The following FER1L6 variants were observed in gnomAD, a reference collection of about 807,000 sequenced individuals.
The protein encoded by FER1L6 is fer-1 like family member 6.
A neutral mutation model predicts 219.2 loss-of-function variants in FER1L6; 177 were observed. The ratio of observed to expected loss-of-function variants is 0.81; its 90% CI spans 0.71 to 0.91. The LOEUF (loss-of-function observed/expected upper bound fraction) is 0.91. Among genes scored for constraint, FER1L6 ranks in the 40% least tolerant of loss-of-function variants. The pLI, the probability that FER1L6 is intolerant of heterozygous loss-of-function variation, is 0.00. For missense variants in FER1L6, 2,153 were observed against 2,259.9 expected, an observed-to-expected ratio of 0.95 and a Z score of 0.96; for synonymous variants, 768 against 824.3, an observed-to-expected ratio of 0.93 and a Z score of 1.17.
chr8:124,015,798 T>C (rs1818176699), intron 15 of FER1L6: 1 of 152,112 alleles, frequency 6.6e-6, no homozygotes, highest in African/African-American at 2.4e-5. Context: ...TACAACCAAC[T>C]GAAAAAAATA....
At chr8:123,979,952 T>A (rs1008184005) in intron 10 of FER1L6, among the ~76,000 whole-genome samples, 1 of 152,192 alleles carries the variant, frequency 6.6e-6, no homozygotes, top group Non-Finnish European at 1.5e-5. Context: ...CCTTTCTAAC[T>A]GGCACATGCT....
Position 124,120,023 on chromosome 8 carries a change from A to C in FER1L6, c.*233A>C, listed in dbSNP as rs1163664468. 4 of 408,684 alleles carry C rather than the reference A, an allele frequency of 9.8e-6. No individual in the cohort carries two copies. The highest frequency in any genetic ancestry group is 8.1e-5 in the African/African-American group (4 of 49,142). 25.3% of individuals were successfully genotyped at this position (408,684 alleles called of 1,614,324 possible). A position where few individuals can be genotyped will look rare whatever the true frequency, so the allele number is the denominator to read the frequency against. ...GGGCAGCATGAAATAAGGCACTTTC[A>C]CCTCATGGTAATCAACAATGACCTC... On this transcript the variant is annotated 3_prime_UTR_variant, in exon 41 of 41. Coordinates refer to ENST00000522917, the MANE Select transcript of FER1L6 (RefSeq NM_001039112.2).
At chr8:124,094,588 C>T (rs902427764) in intron 34 of FER1L6, among the ~76,000 whole-genome samples, 1 of 152,042 alleles carries the variant, frequency 6.6e-6, no homozygotes, top group Non-Finnish European at 1.5e-5. Flanking sequence ...CAGGTTCAAG[C>T]GATTCTCCTG....
chr8:123,855,255 G>A (rs921286190), intron 1 of FER1L6, among the ~76,000 whole-genome samples: 3 of 152,170 alleles, frequency 2.0e-5, no homozygotes, highest in African/African-American at 7.2e-5. Flanking sequence ...TCTTTTATGT[G>A]TTTGGGGAGC....
At chr8:123,882,276 A>C (rs957090688) in intron 1 of FER1L6, among the ~76,000 whole-genome samples, 1 of 152,164 alleles carries the variant, frequency 6.6e-6, no homozygotes, top group Non-Finnish European at 1.5e-5. Flanking sequence ...AGAGCAAAGT[A>C]GCGAGCCAAA....
intron 12 of FER1L6, among the ~76,000 whole-genome samples, chr8:123,996,554 C>A (rs899683097): frequency 6.6e-6 from 1 of 152,008 alleles, no homozygotes; most frequent in African/African-American, 2.4e-5. Flanking sequence ...GGCAGCAGAT[C>A]ATTGGACCTT....
At position 124,070,482 on chromosome 8, in the gene FER1L6, C is replaced by T. The variant is rs371367439; in HGVS notation, c.3850C>T (p.Leu1284Phe). The T allele has an allele frequency of 4.3e-6, 7 of 1,613,626 alleles. No individual in the cohort carries two copies. In the African/African-American group the frequency reaches 8.0e-5, roughly 18 times the overall value. Residue 1284 changes from leucine (L) to phenylalanine (F), a missense_variant, in exon 30 of 41, where the codon CTC (leucine) becomes TTC (phenylalanine). Coordinates refer to ENST00000522917, the MANE Select transcript of FER1L6 (RefSeq NM_001039112.2). ...LAILQIYDGD[L>F]ESEFNNFEDW... ...TTCCCTAAAGATATATGACGGTGATCTCGAGAGTGAATTCAACAATTTTGA... is the reference window on the plus strand; with the variant it reads ...TTCCCTAAAGATATATGACGGTGATTTCGAGAGTGAATTCAACAATTTTGA...
intron 18 of FER1L6, among the ~76,000 whole-genome samples, chr8:124,031,312 A>C (rs1818956939): frequency 6.6e-6 from 1 of 152,200 alleles, no homozygotes; most frequent in Non-Finnish European, 1.5e-5. Context: ...ATCCCAAAAT[A>C]GGGGGAAATC....
In FER1L6 at chr8:124,013,659, T is replaced by C. The variant is rs201096740; in HGVS notation, c.1922+128T>C. The stretch of plus-strand genomic sequence containing the variant: ...TTTTAGAGTGCTGTATCCATCTTAA[T>C]TTTGTTCAGTAATTTCACTCGTGCT... On this transcript the variant is annotated intron_variant, in intron 15 of 40. Transcript: ENST00000522917. 4.8e-4 allele frequency: 230 copies of C among 476,840 alleles called. 3 individuals carry two copies. Among genetic ancestry groups the C allele is most frequent in the Non-Finnish European group, 7.4e-4 (202 of 272,638 alleles). The allele number at this position is 476,840 out of a possible 1,614,324, so 29.5% of individuals were successfully genotyped here.
chr8:123,986,228 T>C (rs764465791), intron 12 of FER1L6, 52 bp downstream of exon 12: 18 of 1,122,154 alleles, frequency 1.6e-5, no homozygotes, highest in Non-Finnish European at 2.0e-5. Context: ...TTAGTATCTA[T>C]TTCTTGAATA....
At chr8:123,944,595 C>A (rs1364260571) in intron 1 of FER1L6, among the ~76,000 whole-genome samples, 1 of 152,172 alleles carries the variant, frequency 6.6e-6, no homozygotes, top group African/African-American at 2.4e-5. Context: ...TACACACACT[C>A]TCAATCCTTA....
chr8:124,119,158 G>A (rs937486957), intron 40 of FER1L6, among the ~76,000 whole-genome samples: 1 of 152,112 alleles, frequency 6.6e-6, no homozygotes, highest in African/African-American at 2.4e-5. Flanking sequence ...AGGAGCTTTC[G>A]ATCTATTTGG....
At chr8:123,873,510 GT>G (rs564485956) in intron 1 of FER1L6, among the ~76,000 whole-genome samples, 8 of 152,162 alleles carry the variant, frequency 5.3e-5, no homozygotes, top group Non-Finnish European at 1.2e-4. Context: ...AAGCGGAAAA[GT>G]TTTACTTTCT....
At chr8:123,880,648 C>T (rs1013943505) in intron 1 of FER1L6, among the ~76,000 whole-genome samples, 1 of 152,144 alleles carries the variant, frequency 6.6e-6, no homozygotes, top group African/African-American at 2.4e-5. Flanking sequence ...CCCAACCTTG[C>T]GGCACTCAGC....
chr8:123,918,111 AC>A (rs1265290600), intron 1 of FER1L6, among the ~76,000 whole-genome samples: 1 of 152,100 alleles, frequency 6.6e-6, no homozygotes, highest in African/African-American at 2.4e-5. Context: ...GGAGTTTAAG[AC>A]CAGCCTGGGC....
At position 123,988,398 on chromosome 8, in the gene FER1L6, T is replaced by C. The variant is rs935786501; in HGVS notation, c.1519+2222T>C. On this transcript the variant is annotated intron_variant, in intron 12 of 40. Transcript: ENST00000522917. The stretch of plus-strand genomic sequence containing the variant: ...ATTTTGATAGAGATTGCATTGAATC[T>C]GTAGATTGCTTTGGGTAGTGTGGAT... 3.3e-5 allele frequency among the ~76,000 whole-genome samples: 5 copies of C among 152,250 alleles called. 1 individual carries two copies. The highest frequency in any genetic ancestry group is 7.3e-5 in the Non-Finnish European group (5 of 68,050).
chr8:123,992,222 T>C (rs1816892994), intron 12 of FER1L6, among the ~76,000 whole-genome samples: 1 of 152,162 alleles, frequency 6.6e-6, no homozygotes, highest in African/African-American at 2.4e-5. Flanking sequence ...ATAGAATGAG[T>C]TAGAAATAAT....
chr8:123,892,076 A>C (rs1328806190), intron 1 of FER1L6, among the ~76,000 whole-genome samples: 1 of 152,206 alleles, frequency 6.6e-6, no homozygotes, highest in African/African-American at 2.4e-5. Flanking sequence ...AAAAGGTTAT[A>C]AAAGGTTTAT....
intron 35 of FER1L6, among the ~76,000 whole-genome samples, 193 bp from the exon 36 acceptor site, chr8:124,097,072 GATATAT>G (rs565301549): frequency 3.4e-4 from 50 of 146,784 alleles, no homozygotes; most frequent in African/African-American, 9.2e-4. Flanking sequence ...AATTCCTAAA[GATATAT>G]ATATATATAT....
Sources: gnomAD v4.1 joint callset for allele counts (sites outside exome capture counted in the v4.1 genomes callset) on GRCh38, gnomAD v4.1.1 for gene constraint, MANE v1.5 for transcripts, NCBI Gene and HGNC (gene_info 2026-07-23, HGNC 2026-07-21) for gene names.